The following FYTTD1 variants were observed in gnomAD, a reference collection of about 807,000 sequenced individuals.
FYTTD1 encodes UAP56-interacting factor.
A neutral mutation model predicts 40.9 loss-of-function variants in FYTTD1; 22 were observed. The observed-to-expected ratio is 0.54, with a 90% CI of 0.38 to 0.77. The LOEUF is 0.77. Among genes scored for constraint, FYTTD1 ranks in the 30% least tolerant of loss-of-function variants. FYTTD1 has a pLI of 0.00. For synonymous variants in FYTTD1, 140 were observed against 137.9 expected, an observed-to-expected ratio of 1.01 and a Z score of -0.10; for missense variants, 351 against 392.2, an observed-to-expected ratio of 0.90 and a Z score of 0.89.
intron 2 of FYTTD1, among the ~76,000 whole-genome samples, chr3:197,764,335 C>A (rs545104804): frequency 7.2e-5 from 11 of 152,250 alleles, no homozygotes; most frequent in Middle Eastern, 3.4e-3. Flanking sequence ...AGAATATAAT[C>A]ATTGCTAAAA....
At chr3:197,758,836 T>C (rs1041074340) in intron 2 of FYTTD1, among the ~76,000 whole-genome samples, 3 of 152,184 alleles carry the variant, frequency 2.0e-5, no homozygotes, top group African/African-American at 7.2e-5. Flanking sequence ...GATGTTAGCT[T>C]GAGGTAAGAG....
intron 8 of FYTTD1, among the ~76,000 whole-genome samples, chr3:197,781,312 TA>T (rs879641781): frequency 3.4e-3 from 457 of 134,870 alleles, no homozygotes; most frequent in Middle Eastern, 3.8e-3. Context: ...ACTGTCTCAA[TA>T]AAAAAAAAAA....
At chr3:197,764,475 C>T (rs573089697) in intron 2 of FYTTD1, among the ~76,000 whole-genome samples, 1 of 152,060 alleles carries the variant, frequency 6.6e-6, no homozygotes, top group Admixed American at 6.5e-5. Context: ...TTTGGGAGGC[C>T]GAGGTGGGCA....
chr3:197,767,231 C>G lies in FYTTD1; in HGVS notation c.236-1208C>G, dbSNP rs560809031. Among the ~76,000 whole-genome samples the G allele has an allele frequency of 7.9e-5, 12 of 152,158 alleles. No homozygotes were observed. In the South Asian group the frequency reaches 2.3e-3, roughly 29 times the overall value. ...CTCGGCTCACTGCAAGCTCCGCCTC[C>G]CAGTTCACGCCATTCTCCTGCCTCA... is the stretch of plus-strand genomic sequence containing the variant. On this transcript the variant is annotated intron_variant, in intron 2 of 8. Coordinates refer to ENST00000241502, the MANE Select transcript of FYTTD1 (RefSeq NM_032288.7).
At chr3:197,773,043 G>A (rs1035162891) in intron 4 of FYTTD1, among the ~76,000 whole-genome samples, 2 of 152,142 alleles carry the variant, frequency 1.3e-5, no homozygotes, top group South Asian at 4.1e-4. Context: ...TTTGGCCTAT[G>A]TGTGGTTTTT....
chr3:197,749,792 C>G, upstream of FYTTD1: 1 of 486,644 alleles, frequency 2.1e-6, no homozygotes, highest in Non-Finnish European at 3.7e-6. Flanking sequence ...GGCGCGGGGC[C>G]GCTCTGGTCG....
chr3:197,787,456 G>A lies in FYTTD1; in HGVS notation c.*5547G>A, dbSNP rs1188875110. The A allele has an allele frequency of 1.3e-5, 2 of 152,220 alleles. No individual in the cohort carries two copies. Among genetic ancestry groups the A allele is most frequent in the East Asian group, 3.9e-4 (2 of 5,194 alleles). 9.4% of individuals were successfully genotyped at this position (152,220 alleles called of 1,614,324 possible). ...CATGATATGTTTCTACTGAGTAGAA[G>A]GGGGAAGGGAGGACATAACCTTTGC... On this transcript the variant is annotated 3_prime_UTR_variant, in exon 9 of 9. Coordinates refer to ENST00000241502, the MANE Select transcript of FYTTD1 (RefSeq NM_032288.7).
At chr3:197,772,806 A>G (rs1729756977) in intron 4 of FYTTD1, among the ~76,000 whole-genome samples, 2 of 152,048 alleles carry the variant, frequency 1.3e-5, no homozygotes, top group South Asian at 2.1e-4. Flanking sequence ...ACGGGGTTTT[A>G]CCATGTTACC....
intron 2 of FYTTD1, among the ~76,000 whole-genome samples, chr3:197,761,040 TTCAGTGGTAGAATGTATAGAGTTGTTCC>T (rs1729370842): frequency 2.0e-5 from 3 of 150,874 alleles, no homozygotes; most frequent in South Asian, 2.1e-4. Flanking sequence ...AGACTTGTTC[TTCAGTGGTAGAATGTATAGAGTTGTTCC>T]TCAGTGGTAG....
chr3:197,764,737 A>G (rs998512886), intron 2 of FYTTD1, among the ~76,000 whole-genome samples: 1 of 150,542 alleles, frequency 6.6e-6, no homozygotes, highest in Non-Finnish European at 1.5e-5. Flanking sequence ...AGAGGAGGCA[A>G]CACCTTGGAT....
chr3:197,765,669 C>T, intron 2 of FYTTD1, among the ~76,000 whole-genome samples: 1 of 151,894 alleles, frequency 6.6e-6, no homozygotes. Context: ...TGAGACCAGC[C>T]TGGCCAACAT....
chr3:197,776,092 A>T (rs1729865076), intron 6 of FYTTD1, among the ~76,000 whole-genome samples: 1 of 152,168 alleles, frequency 6.6e-6, no homozygotes, highest in Non-Finnish European at 1.5e-5. Context: ...CAGAGATTTA[A>T]GTATTTTCAG....
intron 1 of FYTTD1, among the ~76,000 whole-genome samples, chr3:197,752,958 G>A (rs575247385): frequency 3.3e-5 from 5 of 152,164 alleles, no homozygotes; most frequent in Admixed American, 2.6e-4. Context: ...TTTCTTTTTT[G>A]TATGTGTTTT....
chr3:197,765,955 C>G (rs1293573650), intron 2 of FYTTD1, among the ~76,000 whole-genome samples: 1 of 152,044 alleles, frequency 6.6e-6, no homozygotes, highest in Non-Finnish European at 1.5e-5. Flanking sequence ...GAGATCACAC[C>G]ACTGCACTCC....
intron 3 of FYTTD1, among the ~76,000 whole-genome samples, 184 bp downstream of exon 3, chr3:197,768,771 C>A (rs1290696937): frequency 6.6e-6 from 1 of 152,130 alleles, no homozygotes; most frequent in Non-Finnish European, 1.5e-5. Context: ...TTTCCACATT[C>A]TCAAATATAA....
chr3:197,775,154 G>A (rs973879362), intron 6 of FYTTD1, among the ~76,000 whole-genome samples: 3 of 152,072 alleles, frequency 2.0e-5, no homozygotes, highest in African/African-American at 7.2e-5. Flanking sequence ...ATAAAATTCA[G>A]TGGAGCTTTT....
chr3:197,764,561 T>A (rs1167662442), intron 2 of FYTTD1, among the ~76,000 whole-genome samples: 4 of 151,710 alleles, frequency 2.6e-5, no homozygotes. Context: ...TGCAAAAAAT[T>A]AGCTGGGCAT....
intron 4 of FYTTD1, among the ~76,000 whole-genome samples, chr3:197,771,665 T>G (rs931293154): frequency 5.4e-5 from 8 of 148,064 alleles, no homozygotes; most frequent in African/African-American, 1.7e-4. Flanking sequence ...TAGTCCCAGC[T>G]ACTTGGGAGG....
At chr3:197,768,307 T>C (rs1729610325) in intron 2 of FYTTD1, 132 bp from the exon 3 acceptor site, 1 of 614,116 alleles carries the variant, frequency 1.6e-6, no homozygotes, top group Non-Finnish European at 2.6e-6. Flanking sequence ...GTATTTTATG[T>C]AATTTAAAAA....
Sources: allele counts gnomAD v4.1 joint callset (sites outside exome capture counted in the v4.1 genomes callset), GRCh38; gene constraint gnomAD v4.1.1; transcripts MANE v1.5; gene names NCBI Gene and HGNC (gene_info 2026-07-23, HGNC 2026-07-21).